SFI1: variants seen among roughly 807,000 people sequenced by gnomAD.
SFI1 encodes protein SFI1 homolog.
Under a neutral mutation model 207.5 loss-of-function variants are expected in SFI1, and 195 were observed. The ratio of observed to expected loss-of-function variants is 0.94; its 90% confidence interval spans 0.84 to 1.06. SFI1 has a LOEUF of 1.06. Ranked by LOEUF, SFI1 falls within the 50% of genes least tolerant of loss-of-function variation. The pLI is 0.00. For missense variants in SFI1, 1,634 were observed against 1,588.0 expected (o/e 1.03, Z -0.49); for synonymous variants, 630 against 598.9 (o/e 1.05, Z -0.76).
intron 15 of SFI1, among the ~76,000 whole-genome samples, chr22:31,593,878 G>A (rs2066581910): frequency 6.7e-6 from 1 of 148,172 alleles, no homozygotes; most frequent in African/African-American, 2.5e-5. Context: ...GCAGGCATTC[G>A]GCAGACTGAG....
intron 6 of SFI1, among the ~76,000 whole-genome samples, chr22:31,554,212 T>G (rs1602604881): frequency 1.3e-5 from 2 of 152,176 alleles, no homozygotes; most frequent in Non-Finnish European, 1.5e-5. Flanking sequence ...CACAAAGATT[T>G]CCTCTTATGT....
intron 8 of SFI1, among the ~76,000 whole-genome samples, chr22:31,561,994 T>G (rs146824420): frequency 4.6e-4 from 70 of 152,344 alleles, no homozygotes; most frequent in African/African-American, 1.3e-3. Context: ...AGTGCCTGTT[T>G]CCAAATGTAG....
chr22:31,499,674 A>G (rs972422532), intron 1 of SFI1, among the ~76,000 whole-genome samples: 4 of 152,190 alleles, frequency 2.6e-5, no homozygotes, highest in African/African-American at 9.6e-5. Flanking sequence ...GAAATCTTTG[A>G]TGAAAGGAAG....
At chr22:31,568,963 ATT>A (rs1221663512) in intron 8 of SFI1, among the ~76,000 whole-genome samples, 1 of 152,152 alleles carries the variant, frequency 6.6e-6, no homozygotes, top group Admixed American at 6.5e-5. Context: ...ATCGGTCATG[ATT>A]TTGGGTTGTT....
At chr22:31,577,219 AG>A (rs916826542) in intron 10 of SFI1, among the ~76,000 whole-genome samples, 1 of 152,226 alleles carries the variant, frequency 6.6e-6, no homozygotes, top group African/African-American at 2.4e-5. Context: ...GATTCAGCCA[AG>A]GAGGTAATGT....
At chr22:31,525,779 A>G (rs926883153) in intron 2 of SFI1, among the ~76,000 whole-genome samples, 1 of 151,836 alleles carries the variant, frequency 6.6e-6, no homozygotes, top group Non-Finnish European at 1.5e-5. Flanking sequence ...AAGTAGCTTA[A>G]TAACTTGATA....
At chr22:31,519,832 G>A (rs1489915003) in intron 2 of SFI1, among the ~76,000 whole-genome samples, 3 of 152,016 alleles carry the variant, frequency 2.0e-5, no homozygotes, top group Non-Finnish European at 2.9e-5. Context: ...TTGGCCTCCT[G>A]TAGTGCTGGG....
chr22:31,512,087 A>G (rs2055661507), intron 2 of SFI1, among the ~76,000 whole-genome samples: 1 of 151,978 alleles, frequency 6.6e-6, no homozygotes, highest in Non-Finnish European at 1.5e-5. Context: ...CACGCCTGTA[A>G]TCCCAGCACT....
In SFI1 at chr22:31,514,523, A is replaced by T. The variant is rs193152925; in HGVS notation, c.92+6147A>T. On this transcript the variant is annotated intron_variant, in intron 2 of 32. Coordinates refer to ENST00000400288, the MANE Select transcript of SFI1 (RefSeq NM_001007467.3). ...ACTCTGTCTCAAAAAAAAAAAAAAA[A>T]AAAAAAAATCAACTGTATTTCTCCT... 5.9e-3 allele frequency among the ~76,000 whole-genome samples: 883 copies of T among 150,800 alleles called. 12 individuals are homozygous for T. The highest frequency in any genetic ancestry group is 0.02 in the African/African-American group (825 of 41,164).
At chr22:31,509,257 C>A (rs1402391347) in intron 2 of SFI1, among the ~76,000 whole-genome samples, 1 of 152,178 alleles carries the variant, frequency 6.6e-6, no homozygotes, top group Non-Finnish European at 1.5e-5. Context: ...CTCACACAAT[C>A]ACAAGGTGAA....
Position 31,618,269 on chromosome 22 carries a change from G to A in SFI1, c.3624+43G>A, listed in dbSNP as rs57907329. The A allele has an allele frequency of 4.1e-3, 6,508 of 1,602,560 alleles. 74 individuals carry two copies. Among genetic ancestry groups the A allele is most frequent in the Middle Eastern group, 0.031 (178 of 5,776 alleles). ...CCCCAGGTGTCCCTGGGGACGCCCC[G>A]GGCTGTGCTCCCTCTCAGCCCTGCC... On this transcript the variant is annotated intron_variant, in intron 32 of 32. Transcript: ENST00000400288.
At chr22:31,564,232 C>A (rs1447154023) in intron 8 of SFI1, among the ~76,000 whole-genome samples, 1 of 149,396 alleles carries the variant, frequency 6.7e-6, no homozygotes, top group Non-Finnish European at 1.5e-5. Context: ...GAGGCTGAGG[C>A]AGGAGAATGA....
intron 6 of SFI1, among the ~76,000 whole-genome samples, chr22:31,556,714 G>GT (rs2061204510): frequency 6.6e-6 from 1 of 152,222 alleles, no homozygotes; most frequent in Non-Finnish European, 1.5e-5. Context: ...GAGCAGTTCA[G>GT]TACATGGGTT....
chr22:31,563,284 C>T (rs764014638), intron 8 of SFI1, among the ~76,000 whole-genome samples: 3 of 151,692 alleles, frequency 2.0e-5, no homozygotes, highest in Non-Finnish European at 2.9e-5. Flanking sequence ...TGAACCACCG[C>T]GCCTGGCCTG....
chr22:31,598,040 T>C (rs1220714149), intron 15 of SFI1, among the ~76,000 whole-genome samples: 2 of 151,116 alleles, frequency 1.3e-5, no homozygotes, highest in East Asian at 2.0e-4. Context: ...TGCAGTGGCG[T>C]GATCTTGGCT....
intron 15 of SFI1, among the ~76,000 whole-genome samples, chr22:31,592,984 G>T (rs1185665175): frequency 3.5e-4 from 44 of 126,168 alleles, no homozygotes; most frequent in African/African-American, 1.2e-3. Flanking sequence ...CGGGCGGGGG[G>T]CTGACCCCCC....
chr22:31,579,051 C>A (rs554120912), intron 11 of SFI1, among the ~76,000 whole-genome samples: 2 of 152,304 alleles, frequency 1.3e-5, no homozygotes, highest in East Asian at 3.9e-4. Flanking sequence ...ATTCAAACTT[C>A]TGGGCTCAAG....
At chr22:31,563,727 A>C (rs2061968770) in intron 8 of SFI1, among the ~76,000 whole-genome samples, 1 of 152,082 alleles carries the variant, frequency 6.6e-6, no homozygotes, top group Non-Finnish European at 1.5e-5. Flanking sequence ...CTGGGATTAC[A>C]GGCACGCGCC....
intron 6 of SFI1, among the ~76,000 whole-genome samples, chr22:31,555,152 A>G (rs2061039530): frequency 6.6e-6 from 1 of 151,648 alleles, no homozygotes; most frequent in Admixed American, 6.6e-5. Context: ...TTATAGTTAC[A>G]GTGAATCTAG....
Sources: gnomAD v4.1 joint callset for allele counts (sites outside exome capture counted in the v4.1 genomes callset) on GRCh38, gnomAD v4.1.1 for gene constraint, MANE v1.5 for transcripts, NCBI Gene and HGNC (gene_info 2026-07-23, HGNC 2026-07-21) for gene names.